Variants in SYTL2 observed in about 807,000 individuals in gnomAD.
SYTL2 encodes synaptotagmin-like protein 2.
In SYTL2, 165 loss-of-function variants were observed where a neutral mutation model predicts 198.7. The ratio of observed to expected loss-of-function variants is 0.83; its 90% confidence interval spans 0.73 to 0.94. The LOEUF (loss-of-function observed/expected upper bound fraction) is 0.94, where lower values mean the gene tolerates loss of function less well. Ranked by LOEUF, SYTL2 falls within the 40% of genes least tolerant of loss-of-function variation. The probability of loss-of-function intolerance (pLI) is 0.00; values close to 1 mark genes in which losing one functional copy is unlikely to be tolerated. For synonymous variants in SYTL2, 966 were observed against 917.7 expected, an observed-to-expected ratio of 1.05 and a Z score of -0.95; for missense variants, 2,835 against 2,582.8, an observed-to-expected ratio of 1.10 and a Z score of -2.12.
chr11:85,746,569 G>A (rs1295752513), intron 3 of SYTL2, among the ~76,000 whole-genome samples: 1 of 152,218 alleles, frequency 6.6e-6, no homozygotes, highest in Non-Finnish European at 1.5e-5. Flanking sequence ...CACAGAGCCA[G>A]TAAGTGCCCA....
At chr11:85,801,942 G>A (rs1157432247) in intron 1 of SYTL2, among the ~76,000 whole-genome samples, 2 of 151,694 alleles carry the variant, frequency 1.3e-5, no homozygotes, top group African/African-American at 4.8e-5. Context: ...AGCCTCCAGA[G>A]TAGCTGGGAT....
At chr11:85,829,193 A>G in the SYTL2 span, among the ~76,000 whole-genome samples, 2 of 152,168 alleles carry the variant, frequency 1.3e-5, no homozygotes, top group Admixed American at 6.5e-5. Context: ...GTTAGTAAGC[A>G]TAGTACCAAA....
At chr11:85,812,742 C>A (rs1210566823), upstream of SYTL2, among the ~76,000 whole-genome samples, 1 of 152,072 alleles carries the variant, frequency 6.6e-6, no homozygotes, top group African/African-American at 2.4e-5. Flanking sequence ...GGATTTGGGA[C>A]AATGAGGCAG....
upstream of SYTL2, among the ~76,000 whole-genome samples, chr11:85,815,606 C>T (rs1055478781): frequency 3.3e-5 from 5 of 152,060 alleles, no homozygotes; most frequent in African/African-American, 1.2e-4. Flanking sequence ...TTCATTCAAC[C>T]CTATGATGTA....
the SYTL2 span, among the ~76,000 whole-genome samples, chr11:85,818,225 C>T: frequency 2.0e-5 from 3 of 152,184 alleles, no homozygotes; most frequent in South Asian, 6.2e-4. Flanking sequence ...ATTAACCATA[C>T]ACTTCAAGGA....
At chr11:85,749,866 G>C (rs613973) in intron 2 of SYTL2, among the ~76,000 whole-genome samples, 101,281 of 152,010 alleles carry the variant, frequency 0.67, 33,936 homozygotes, top group Middle Eastern at 0.71. Context: ...GTGAGTTCCT[G>C]GGGGCAGGGT....
intron 10 of SYTL2, among the ~76,000 whole-genome samples, chr11:85,717,981 C>A (rs1353459346): frequency 6.6e-6 from 1 of 152,152 alleles, no homozygotes; most frequent in African/African-American, 2.4e-5. Flanking sequence ...ATAAGAAAGA[C>A]AGAACGATTA....
chr11:85,810,022 A>T (rs1332265291), intron 1 of SYTL2, among the ~76,000 whole-genome samples: 1 of 152,160 alleles, frequency 6.6e-6, no homozygotes, highest in Non-Finnish European at 1.5e-5. Context: ...GCTGCCAACA[A>T]GGGGACGGGA....
At chr11:85,804,568 G>A (rs1053694464) in intron 1 of SYTL2, among the ~76,000 whole-genome samples, 1 of 152,164 alleles carries the variant, frequency 6.6e-6, no homozygotes, top group South Asian at 2.1e-4. Context: ...AGATTATTGT[G>A]AGGATTAAAT....
chr11:85,818,656 A>T, the SYTL2 span, among the ~76,000 whole-genome samples: 3 of 149,000 alleles, frequency 2.0e-5, no homozygotes, highest in African/African-American at 7.5e-5. Context: ...TGTATAAATT[A>T]CTATCTATCT....
intron 16 of SYTL2, among the ~76,000 whole-genome samples, chr11:85,702,486 C>T (rs914140838): frequency 1.3e-5 from 2 of 152,146 alleles, no homozygotes; most frequent in African/African-American, 4.8e-5. Flanking sequence ...CACCCAGCCC[C>T]AGAATCTGTG....
upstream of SYTL2, among the ~76,000 whole-genome samples, chr11:85,814,851 C>T (rs2093059639): frequency 6.6e-6 from 1 of 152,140 alleles, no homozygotes; most frequent in African/African-American, 2.4e-5. Context: ...GCATCAAGGC[C>T]TAGGACAAGT....
At chr11:85,748,021 A>G (rs1033756089) in intron 3 of SYTL2, among the ~76,000 whole-genome samples, 2 of 152,126 alleles carry the variant, frequency 1.3e-5, no homozygotes, top group African/African-American at 4.8e-5. Flanking sequence ...GGCCCCAACT[A>G]TCTATGCTAC....
At chr11:85,776,780 G>A (rs2092459072) in intron 1 of SYTL2, among the ~76,000 whole-genome samples, 1 of 152,148 alleles carries the variant, frequency 6.6e-6, no homozygotes, top group Non-Finnish European at 1.5e-5. Flanking sequence ...TGGGATTGCT[G>A]GGTCAAATGA....
At chr11:85,813,546 G>C (rs1289279790), upstream of SYTL2, among the ~76,000 whole-genome samples, 1 of 152,146 alleles carries the variant, frequency 6.6e-6, no homozygotes, top group Admixed American at 6.5e-5. Context: ...ACATTGAAGG[G>C]GAAGGCAAGA....
Position 85,734,725 on chromosome 11 carries a change from T to C in SYTL2, c.604A>G (p.Lys202Glu). Residue 202 changes from lysine to glutamate, a missense_variant, in exon 7 of 20, where the codon AAA becomes GAA. This residue lies in a region of SYTL2 where 2,645 missense variants were observed against 2,381.7 expected (regional missense o/e 1.11). Transcript: ENST00000359152. Reference protein sequence around the residue: ...TSKEDELSESKEKSTVADTSI... With the variant: ...TSKEDELSESEEKSTVADTSI... The stretch of plus-strand genomic sequence containing the variant: ...GTATCTGCGACAGTTGACTTTTCTT[T>C]TGACTCTGACAATTCATCTGAAAAT... 5 of 1,612,514 alleles carry C rather than the reference T, an allele frequency of 3.1e-6. No homozygotes were observed. Among genetic ancestry groups the C allele is most frequent in the Non-Finnish European group, 4.2e-6 (5 of 1,179,408 alleles).
At chr11:85,781,064 A>C (rs1169854409) in intron 1 of SYTL2, among the ~76,000 whole-genome samples, 1 of 152,230 alleles carries the variant, frequency 6.6e-6, no homozygotes, top group Non-Finnish European at 1.5e-5. Context: ...AGAACACTGC[A>C]GTAGTCCATT....
At chr11:85,845,769 A>C in the SYTL2 span, among the ~76,000 whole-genome samples, 3 of 152,054 alleles carry the variant, frequency 2.0e-5, no homozygotes. Context: ...CACAAAAATT[A>C]GCCGGGCATG....
At chr11:85,800,765 C>G (rs1893163) in intron 1 of SYTL2, among the ~76,000 whole-genome samples, 1 of 151,932 alleles carries the variant, frequency 6.6e-6, no homozygotes, top group South Asian at 2.1e-4. Context: ...AGTTCCACAA[C>G]AGGGTCACAT....
Sources: allele counts gnomAD v4.1 joint callset (sites outside exome capture counted in the v4.1 genomes callset), GRCh38; gene constraint gnomAD v4.1.1; regional missense constraint gnomAD v4.1.1; transcripts MANE v1.5; gene names NCBI Gene and HGNC (gene_info 2026-07-23, HGNC 2026-07-21).